The following FBXL2 variants were observed in gnomAD, a reference collection of about 807,000 sequenced individuals.
FBXL2 encodes F-box/LRR-repeat protein 2.
In FBXL2, 38 loss-of-function variants were observed where a neutral mutation model predicts 69.2. That is an observed-to-expected ratio of 0.55 (90% confidence interval 0.42 to 0.72). FBXL2 has a LOEUF of 0.72. FBXL2 is among the 30% of genes least tolerant of loss of function. The probability of loss-of-function intolerance (pLI) is 0.00; values close to 1 mark genes in which losing one functional copy is unlikely to be tolerated. For missense variants in FBXL2, 354 were observed against 520.3 expected (o/e 0.68, Z 3.11); for synonymous variants, 192 against 201.3 (o/e 0.95, Z 0.39).
At chr3:33,359,153 T>C in intron 3 of FBXL2, 130 bp from the exon 4 acceptor site, 3 of 928,242 alleles carry the variant, frequency 3.2e-6, no homozygotes, top group South Asian at 2.2e-5. Flanking sequence ...AATTTTGCAT[T>C]TGATGATTAA....
chr3:33,370,113 TAAAA>T (rs889714012), intron 5 of FBXL2, among the ~76,000 whole-genome samples: 68 of 151,818 alleles, frequency 4.5e-4, no homozygotes, highest in Admixed American at 7.9e-4. Flanking sequence ...TTCCTCCACT[TAAAA>T]AAAATATTTT....
intron 2 of FBXL2, among the ~76,000 whole-genome samples, chr3:33,323,727 G>T (rs1358594114): frequency 6.6e-6 from 1 of 152,104 alleles, no homozygotes; most frequent in Non-Finnish European, 1.5e-5. Context: ...GTTTGGGTTG[G>T]TTCCAAGTCT....
chr3:33,352,319 C>G (rs2040881590), intron 2 of FBXL2, among the ~76,000 whole-genome samples: 1 of 152,076 alleles, frequency 6.6e-6, no homozygotes, highest in Admixed American at 6.5e-5. Flanking sequence ...AATATCAACT[C>G]AAAATGGATC....
At chr3:33,302,355 A>G (rs1254088720) in intron 2 of FBXL2, among the ~76,000 whole-genome samples, 2 of 152,170 alleles carry the variant, frequency 1.3e-5, no homozygotes, top group Non-Finnish European at 2.9e-5. Flanking sequence ...TACAACTGCA[A>G]TTACCTTGCA....
At chr3:33,398,186 T>C (rs1417976403) in intron 12 of FBXL2, 2 of 152,364 alleles carry the variant, frequency 1.3e-5, no homozygotes, top group South Asian at 2.1e-4. Flanking sequence ...AAGATGAACT[T>C]TGGGATGAAG....
At chr3:33,344,703 G>C (rs1277534007) in intron 2 of FBXL2, among the ~76,000 whole-genome samples, 6 of 152,000 alleles carry the variant, frequency 3.9e-5, no homozygotes, top group Non-Finnish European at 2.9e-5. Flanking sequence ...GAAAGTGGTA[G>C]GAAAGAAAAT....
In FBXL2 at chr3:33,277,522, C is replaced by G; in HGVS notation, c.3+7C>G. ...TCGCGGCTCTTCGGCCATGGTGAGT[C>G]TGGGACCCGCGTCTGCCTAGCTGCC... On this transcript the variant is annotated splice_region_variant and intron_variant, in intron 1 of 14. Transcript: ENST00000484457. 1 of 1,297,778 alleles carries G rather than the reference C, an allele frequency of 7.7e-7. No homozygotes were observed. The highest frequency in any genetic ancestry group is 9.9e-7 in the Non-Finnish European group (1 of 1,014,630). 80.4% of individuals were successfully genotyped at this position (1,297,778 alleles called of 1,614,324 possible).
chr3:33,306,872 G>T (rs2036767135), intron 2 of FBXL2, among the ~76,000 whole-genome samples: 2 of 152,040 alleles, frequency 1.3e-5, no homozygotes, highest in Non-Finnish European at 2.9e-5. Flanking sequence ...TATTGGGGCT[G>T]CAAAGTGGTG....
At chr3:33,329,911 C>G (rs1366198848) in intron 2 of FBXL2, among the ~76,000 whole-genome samples, 1 of 152,040 alleles carries the variant, frequency 6.6e-6, no homozygotes, top group African/African-American at 2.4e-5. Context: ...CCCAGGAGTT[C>G]AAGGTTGCAG....
At chr3:33,339,827 A>G (rs1318541991) in intron 2 of FBXL2, among the ~76,000 whole-genome samples, 1 of 152,222 alleles carries the variant, frequency 6.6e-6, no homozygotes, top group Non-Finnish European at 1.5e-5. Flanking sequence ...AGATGTGCAC[A>G]AGGATATTTA....
At chr3:33,294,781 T>A (rs1575103858) in intron 1 of FBXL2, among the ~76,000 whole-genome samples, 1 of 150,772 alleles carries the variant, frequency 6.6e-6, no homozygotes, top group Non-Finnish European at 1.5e-5. Context: ...AGGTTGAGAC[T>A]GCATTGAGCT....
intron 7 of FBXL2, 65 bp from the exon 8 acceptor site, chr3:33,373,513 C>CA: frequency 2.5e-6 from 4 of 1,608,014 alleles, no homozygotes; most frequent in Non-Finnish European, 3.4e-6. Flanking sequence ...GTACTAAACT[C>CA]AGAGTTGGTC....
the FBXL2 span, among the ~76,000 whole-genome samples, chr3:33,415,487 CATG>C: frequency 6.6e-6 from 1 of 152,120 alleles, no homozygotes; most frequent in Admixed American, 6.5e-5. Flanking sequence ...TTGAAGTTGG[CATG>C]AGAACTTATG....
At chr3:33,338,048 A>G (rs2039725681) in intron 2 of FBXL2, among the ~76,000 whole-genome samples, 1 of 152,246 alleles carries the variant, frequency 6.6e-6, no homozygotes, top group African/African-American at 2.4e-5. Context: ...AAAGCTATTT[A>G]CAGATTCAAT....
Position 33,394,191 on chromosome 3 carries a change from TTTATTATTATTA to T in FBXL2, n.1214+8487_1214+8498del, listed in dbSNP as rs148929407. Among the ~76,000 whole-genome samples, 92 of 143,416 alleles carry T rather than the reference TTTATTATTATTA, an allele frequency of 6.4e-4. 1 individual carries two copies. The South Asian group carries it at 7.6e-3, about 12-fold the overall frequency. 94.1% of individuals were successfully genotyped at this position (143,416 alleles called of 152,430 possible). On this transcript the variant is annotated intron_variant and non_coding_transcript_variant, in intron 12 of 12. Transcript: ENST00000463736. ...CACACGCCACCATGCCTGGCTAATT[TTTATTATTATTA>T]TTATTATTATTATTATTATTATTTG...
chr3:33,324,461 T>C (rs1317932881), intron 2 of FBXL2, among the ~76,000 whole-genome samples: 1 of 152,192 alleles, frequency 6.6e-6, no homozygotes, highest in African/African-American at 2.4e-5. Context: ...CTTTAATCCA[T>C]CTTGAGTTAA....
intron 2 of FBXL2, among the ~76,000 whole-genome samples, chr3:33,340,598 AAG>A (rs1237289126): frequency 2.0e-5 from 3 of 149,668 alleles, no homozygotes; most frequent in African/African-American, 7.3e-5. Flanking sequence ...AAAAAAAAAA[AAG>A]AAGGAAGTAG....
intron 4 of FBXL2, among the ~76,000 whole-genome samples, chr3:33,364,033 G>C (rs1410022584): frequency 6.6e-6 from 1 of 152,160 alleles, no homozygotes; most frequent in East Asian, 1.9e-4. Flanking sequence ...AAGTGGAGGT[G>C]CTTAATCATT....
At chr3:33,347,884 A>C (rs1163401426) in intron 2 of FBXL2, among the ~76,000 whole-genome samples, 1 of 151,198 alleles carries the variant, frequency 6.6e-6, no homozygotes, top group Non-Finnish European at 1.5e-5. Flanking sequence ...TTTTTTTCCT[A>C]TAGGGTTGTT....
Sources: gnomAD v4.1 joint callset for allele counts (sites outside exome capture counted in the v4.1 genomes callset) on GRCh38, gnomAD v4.1.1 for gene constraint, MANE v1.5 for transcripts, NCBI Gene and HGNC (gene_info 2026-07-23, HGNC 2026-07-21) for gene names.